EXOSC1: variants seen among roughly 807,000 people sequenced by gnomAD.
EXOSC1 encodes the protein exosome component 1.
Under a neutral mutation model 31.4 loss-of-function variants are expected in EXOSC1, and 27 were observed. The ratio of observed to expected loss-of-function variants is 0.86; its 90% confidence interval spans 0.63 to 1.18. The LOEUF is 1.18. EXOSC1 is among the 50% of genes most tolerant of loss of function. The probability of loss-of-function intolerance (pLI) is 0.00; values close to 1 mark genes in which losing one functional copy is unlikely to be tolerated. For missense variants in EXOSC1, 228 were observed against 250.3 expected, an observed-to-expected ratio of 0.91 and a Z score of 0.60; for synonymous variants, 84 against 89.5, an observed-to-expected ratio of 0.94 and a Z score of 0.35.
At chr10:97,438,419 C>T (rs1235847280) in intron 5 of EXOSC1, among the ~76,000 whole-genome samples, 1 of 152,050 alleles carries the variant, frequency 6.6e-6, no homozygotes, top group African/African-American at 2.4e-5. Context: ...GCCACATCCT[C>T]TCAAGCAGCT....
intron 2 of EXOSC1, chr10:97,444,573 A>G (rs191607636): frequency 6.6e-6 from 1 of 152,250 alleles, no homozygotes; most frequent in African/African-American, 2.4e-5. Flanking sequence ...TCATTTGAGC[A>G]TTTATTTGTT....
chr10:97,445,352 C>T (rs1845905444), intron 2 of EXOSC1: 1 of 196,172 alleles, frequency 5.1e-6, no homozygotes, highest in East Asian at 1.3e-4. Context: ...AACTTTTAAA[C>T]ACAGAAAAGA....
At chr10:97,440,938 C>T (rs1845694746) in intron 4 of EXOSC1, 1 of 341,596 alleles carries the variant, frequency 2.9e-6, no homozygotes, top group East Asian at 5.9e-5. Flanking sequence ...AGGCGTGAGC[C>T]ACCGCGCCCA....
At chr10:97,438,160 G>A (rs1034547846) in intron 5 of EXOSC1, among the ~76,000 whole-genome samples, 21 of 151,866 alleles carry the variant, frequency 1.4e-4, no homozygotes, top group African/African-American at 5.1e-4. Context: ...CTTGTGATCC[G>A]CCCACCTTGG....
In EXOSC1 at chr10:97,436,415, ACCC is replaced by A; in HGVS notation, c.*27_*29del. 1 of 1,508,402 alleles carries A rather than the reference ACCC, an allele frequency of 6.6e-7. No individual in the cohort carries two copies. The highest frequency in any genetic ancestry group is 1.1e-5 in the South Asian group (1 of 88,736). The allele number at this position is 1,508,402 out of a possible 1,614,324, so 93.4% of individuals were successfully genotyped here. A position where few individuals can be genotyped will look rare whatever the true frequency, so the allele number is the denominator to read the frequency against. On this transcript the variant is annotated 3_prime_UTR_variant, in exon 8 of 8. Transcript: ENST00000370902. ...TTGGTGTTATACTCAGGAACAGCTT[ACCC>A]CCTTCCATAGGGTAAAAAGTGGCTT...
rs1845528673 is a variant in EXOSC1, at chr10:97,436,206, T to G, written c.*239A>C. On this transcript the variant is annotated 3_prime_UTR_variant, in exon 8 of 8. Transcript: ENST00000370902. ...TATTTATAAGGACTGTCAGGAGGGATAGGCTATTTCCAATATCACAGTTTT... is the reference window on the plus strand; with the variant it reads ...TATTTATAAGGACTGTCAGGAGGGAGAGGCTATTTCCAATATCACAGTTTT... The G allele has an allele frequency of 2.4e-6, 1 of 413,930 alleles. No homozygotes were observed. The allele number at this position is 413,930 out of a possible 1,614,324, so 25.6% of individuals were successfully genotyped here.
chr10:97,437,233 C>A lies in EXOSC1; in HGVS notation c.439G>T (p.Ala147Ser). The change falls in exon 7 of 8, where the codon GCC (alanine) becomes TCC (serine). Residue 147 changes from alanine (A) to serine (S), a missense_variant. Physicochemically the swap from Ala to Ser is moderately conservative, Grantham distance 99. Coordinates refer to ENST00000370902, the MANE Select transcript of EXOSC1 (RefSeq NM_016046.5). ...ACCACCACTCCCAGCTCGTTCTCGG[C>A]GGTGGTTAGCAGGTAGTTGGACTGT... The part of the protein sequence containing the change: ...DAQSNYLLTT[A>S]ENELGVVVAH... 3 of 1,614,038 alleles carry A rather than the reference C, an allele frequency of 1.9e-6. No individual in the cohort carries two copies. The highest frequency in any genetic ancestry group is 8.5e-7 in the Non-Finnish European group (1 of 1,180,002).
intron 3 of EXOSC1, among the ~76,000 whole-genome samples, chr10:97,441,645 C>A (rs969138198): frequency 6.6e-6 from 1 of 151,666 alleles, no homozygotes; most frequent in Non-Finnish European, 1.5e-5. Flanking sequence ...CATGCACCAC[C>A]ATGCCCAGCT....
chr10:97,441,662 G>C (rs1564788947), intron 3 of EXOSC1, among the ~76,000 whole-genome samples: 1 of 151,142 alleles, frequency 6.6e-6, no homozygotes, highest in Non-Finnish European at 1.5e-5. Context: ...AGCTAATTTT[G>C]TATTTCTAGT....
At chr10:97,437,786 C>A in intron 5 of EXOSC1, 36 bp from the exon 6 acceptor site, 1 of 1,572,218 alleles carries the variant, frequency 6.4e-7, no homozygotes, top group Non-Finnish European at 8.8e-7. Flanking sequence ...AGTGAAAGCT[C>A]TAGACTGGGT....
At chr10:97,443,446 CAGAAGG>C in intron 2 of EXOSC1, 135 bp from the exon 3 acceptor site, 1 of 734,430 alleles carries the variant, frequency 1.4e-6, no homozygotes, top group Non-Finnish European at 2.3e-6. Context: ...TAGCCCAGAG[CAGAAGG>C]CCTTAGAAAT....
intron 3 of EXOSC1, among the ~76,000 whole-genome samples, chr10:97,441,980 C>T (rs1845734006): frequency 6.6e-6 from 1 of 150,838 alleles, no homozygotes; most frequent in African/African-American, 2.4e-5. Context: ...AGTTCAGGAC[C>T]AGCCTGGCCA....
intron 3 of EXOSC1, 57 bp downstream of exon 3, chr10:97,443,179 TG>T: frequency 1.4e-6 from 2 of 1,418,990 alleles, no homozygotes; most frequent in Non-Finnish European, 2.0e-6. Flanking sequence ...AGTTCTGGTA[TG>T]GTCATGATTT....
chr10:97,440,317 G>A (rs533277925), intron 4 of EXOSC1, among the ~76,000 whole-genome samples: 2 of 151,930 alleles, frequency 1.3e-5, no homozygotes, highest in East Asian at 3.9e-4. Flanking sequence ...CTAAACTTCA[G>A]CTTCACTCAA....
intron 3 of EXOSC1, 72 bp from the exon 4 acceptor site, chr10:97,441,331 G>C: frequency 3.2e-6 from 4 of 1,256,378 alleles, no homozygotes; most frequent in Non-Finnish European, 4.6e-6. Flanking sequence ...AATAAACTGG[G>C]GATTACTAGG....
In EXOSC1 at chr10:97,439,140, C is replaced by G. The variant is rs114100765; in HGVS notation, c.312-437G>C. On this transcript the variant is annotated intron_variant, in intron 4 of 7. Coordinates refer to ENST00000370902, the MANE Select transcript of EXOSC1 (RefSeq NM_016046.5). ...GTTGTAAATGGGACACAGCTGCTAC[C>G]CAGAGGAGCAGGGTGGAGAAGCATC... is the stretch of plus-strand genomic sequence containing the variant. 7.4e-3 allele frequency among the ~76,000 whole-genome samples: 1,129 copies of G among 152,284 alleles called. 10 individuals carry two copies. Among genetic ancestry groups the G allele is most frequent in the African/African-American group, 0.025 (1,052 of 41,554 alleles).
intron 3 of EXOSC1, 24 bp from the exon 4 acceptor site, chr10:97,441,283 C>CGTATAAGCGTATA (rs768797938): frequency 3.7e-5 from 60 of 1,606,590 alleles, no homozygotes; most frequent in Admixed American, 3.5e-4. Context: ...AAAAGATCAG[C>CGTATAAGCGTATA]ATCAGAGTAT....
At chr10:97,443,415 G>T (rs1416210909) in intron 2 of EXOSC1, 104 bp from the exon 3 acceptor site, 18 of 969,754 alleles carry the variant, frequency 1.9e-5, no homozygotes, top group Non-Finnish European at 2.9e-5. Flanking sequence ...AAAGGTGAGA[G>T]TTGGAGTATG....
chr10:97,445,681 A>C, intron 2 of EXOSC1, 51 bp downstream of exon 2: 1 of 1,564,462 alleles, frequency 6.4e-7, no homozygotes, highest in South Asian at 1.1e-5. Flanking sequence ...CTGGAACTCA[A>C]GGGCAGCCTA....
Sources: gnomAD v4.1 joint callset for allele counts (sites outside exome capture counted in the v4.1 genomes callset) on GRCh38, gnomAD v4.1.1 for gene constraint, MANE v1.5 for transcripts, NCBI Gene and HGNC (gene_info 2026-07-23, HGNC 2026-07-21) for gene names.